ZNF148: variants seen among roughly 807,000 people sequenced by gnomAD.
The protein encoded by ZNF148 is Beta-Enolase Repressor Factor-1.
In ZNF148, 7 loss-of-function variants were observed where a neutral mutation model predicts 67.7. That is an observed-to-expected ratio of 0.10 (90% CI 0.06 to 0.19). The LOEUF (loss-of-function observed/expected upper bound fraction) is 0.19. Ranked by LOEUF, ZNF148 falls within the 10% of genes least tolerant of loss-of-function variation. ZNF148 has a pLI of 1.00. For synonymous variants in ZNF148, 333 were observed against 330.7 expected, an observed-to-expected ratio of 1.01 and a Z score of -0.08; for missense variants, 583 against 947.1, an observed-to-expected ratio of 0.62 and a Z score of 5.05.
intron 3 of ZNF148, among the ~76,000 whole-genome samples, chr3:125,321,154 C>CTTCAGATATAGA (rs1559754652): frequency 6.6e-6 from 1 of 152,144 alleles, no homozygotes; most frequent in Non-Finnish European, 1.5e-5. Context: ...CTCTGTATAA[C>CTTCAGATATAGA]TACCATTTTG....
chr3:125,306,064 A>G (rs1386122277), intron 4 of ZNF148, among the ~76,000 whole-genome samples: 1 of 152,186 alleles, frequency 6.6e-6, no homozygotes, highest in African/African-American at 2.4e-5. Context: ...TTCAGAAATT[A>G]AGCAAAACAC....
At chr3:125,242,821 C>A (rs1214158975) in intron 7 of ZNF148, among the ~76,000 whole-genome samples, 1 of 152,180 alleles carries the variant, frequency 6.6e-6, no homozygotes, top group Non-Finnish European at 1.5e-5. Flanking sequence ...TAATCACACA[C>A]TAATTAAGTT....
chr3:125,249,627 A>G (rs1241678141), intron 7 of ZNF148, among the ~76,000 whole-genome samples: 1 of 152,182 alleles, frequency 6.6e-6, no homozygotes, highest in East Asian at 1.9e-4. Context: ...AAAAAAACAA[A>G]AAAAAACTAA....
intron 1 of ZNF148, among the ~76,000 whole-genome samples, chr3:125,336,061 A>C (rs1015049830): frequency 6.6e-6 from 1 of 152,226 alleles, no homozygotes; most frequent in Admixed American, 6.5e-5. Context: ...TTCATTGATA[A>C]AGAACATAGT....
In ZNF148 at chr3:125,233,389, T is replaced by G. The variant is rs772298206; in HGVS notation, c.1337A>C (p.Gln446Pro). ...GGGCCCCTCCTGCAAATTATCAACC[T>G]GATCAATGTCAGCATTGCCTTCTGA... Reference protein sequence around the residue: ...LDSEGNADIDQVDNLQEGPSK... With the variant: ...LDSEGNADIDPVDNLQEGPSK... Residue 446 changes from glutamine to proline, a missense_variant, in exon 9 of 9, where the codon CAG (glutamine) becomes CCG (proline). By Grantham distance (76) the Gln-to-Pro change is moderately conservative. This residue lies in a region of ZNF148 where 172 missense variants were observed against 307.7 expected (regional missense o/e 0.56). Transcript: ENST00000360647. This position sits in a 1 kb window ranked among gnomAD's most constrained non-coding sequence, Gnocchi z 5.1. 5.6e-6 allele frequency: 9 copies of G among 1,613,870 alleles called. No homozygotes were observed. The African/African-American group carries it at 1.2e-4, about 22-fold the overall frequency.
intron 5 of ZNF148, among the ~76,000 whole-genome samples, chr3:125,287,579 C>CA (rs1938732961): frequency 6.6e-6 from 1 of 152,144 alleles, no homozygotes; most frequent in Admixed American, 6.5e-5. Flanking sequence ...ACTGAGGCTG[C>CA]AGTGAGCCAT....
At chr3:125,250,882 T>C (rs981416654) in intron 7 of ZNF148, among the ~76,000 whole-genome samples, 5 of 152,202 alleles carry the variant, frequency 3.3e-5, no homozygotes, top group Non-Finnish European at 7.3e-5. Flanking sequence ...CTGCTTTCTA[T>C]TCCTATAGTT....
At chr3:125,239,655 A>AGGGG (rs1403081461) in intron 7 of ZNF148, among the ~76,000 whole-genome samples, 1 of 152,236 alleles carries the variant, frequency 6.6e-6, no homozygotes, top group Non-Finnish European at 1.5e-5. Context: ...TTCACCCCTA[A>AGGGG]GCACATACCC....
At chr3:125,270,672 C>T (rs1050609962) in intron 7 of ZNF148, among the ~76,000 whole-genome samples, 3 of 152,022 alleles carry the variant, frequency 2.0e-5, no homozygotes, top group African/African-American at 7.3e-5. Context: ...AAAGGCAAAC[C>T]AAACCATACT....
chr3:125,335,860 T>C (rs1941469490), intron 1 of ZNF148, among the ~76,000 whole-genome samples: 1 of 152,236 alleles, frequency 6.6e-6, no homozygotes, highest in Non-Finnish European at 1.5e-5. Flanking sequence ...CCAAATTATG[T>C]TTTAACTGTC....
At position 125,227,865 on chromosome 3, in the gene ZNF148, T is replaced by C. The variant is rs1399072885; in HGVS notation, c.*4476A>G. The C allele has an allele frequency of 1.3e-5, 2 of 152,646 alleles. No homozygotes were observed. Among genetic ancestry groups the C allele is most frequent in the Non-Finnish European group, 2.9e-5 (2 of 68,030 alleles). The allele number at this position is 152,646 out of a possible 1,614,324, so 9.5% of individuals were successfully genotyped here. On this transcript the variant is annotated 3_prime_UTR_variant, in exon 9 of 9. Transcript: ENST00000360647. ...TTTTTCCTATAAAATGTAGGTCATATACATTTATAAATTGGCGGTTTTATT... is the reference window on the plus strand; with the variant it reads ...TTTTTCCTATAAAATGTAGGTCATACACATTTATAAATTGGCGGTTTTATT...
chr3:125,356,587 T>G (rs1942349502), intron 1 of ZNF148, among the ~76,000 whole-genome samples: 1 of 152,362 alleles, frequency 6.6e-6, no homozygotes, highest in East Asian at 1.9e-4. Context: ...GTGGTGCCTT[T>G]ACCACTGCCC....
At chr3:125,354,612 C>G (rs1454751436) in intron 1 of ZNF148, among the ~76,000 whole-genome samples, 1 of 152,198 alleles carries the variant, frequency 6.6e-6, no homozygotes, top group Non-Finnish European at 1.5e-5. Flanking sequence ...AATAATTCAC[C>G]ACTTTAGTGA....
intron 7 of ZNF148, among the ~76,000 whole-genome samples, chr3:125,243,270 G>GT (rs2107531608): frequency 1.3e-5 from 2 of 152,138 alleles, no homozygotes; most frequent in South Asian, 4.1e-4. Flanking sequence ...GTTTTCTTCT[G>GT]TTATATCTTC....
At chr3:125,353,861 C>T (rs1942249090) in intron 1 of ZNF148, among the ~76,000 whole-genome samples, 1 of 151,922 alleles carries the variant, frequency 6.6e-6, no homozygotes, top group Non-Finnish European at 1.5e-5. Flanking sequence ...ATCACGTGAG[C>T]CTAGGAGTTT....
intron 4 of ZNF148, among the ~76,000 whole-genome samples, chr3:125,300,663 T>C (rs938059048): frequency 2.0e-5 from 3 of 152,256 alleles, no homozygotes; most frequent in African/African-American, 7.2e-5. Context: ...GAATTACACA[T>C]GCCTGAAATA....
At chr3:125,361,663 T>C (rs909576024) in intron 1 of ZNF148, among the ~76,000 whole-genome samples, 13 of 152,016 alleles carry the variant, frequency 8.6e-5, no homozygotes, top group African/African-American at 3.1e-4. Flanking sequence ...TGAAACCCTG[T>C]CTCCTTTAAA....
At chr3:125,304,028 TAAA>T (rs1939740462) in intron 4 of ZNF148, among the ~76,000 whole-genome samples, 1 of 152,026 alleles carries the variant, frequency 6.6e-6, no homozygotes, top group South Asian at 2.1e-4. Flanking sequence ...AATTTTAAAA[TAAA>T]AAAATTTTTA....
intron 1 of ZNF148, among the ~76,000 whole-genome samples, chr3:125,334,079 T>C (rs1013534108): frequency 2.0e-5 from 3 of 152,238 alleles, no homozygotes; most frequent in African/African-American, 7.2e-5. Context: ...AAGGAAATTT[T>C]CTACTAATAC....
Sources: gnomAD v4.1 joint callset for allele counts (sites outside exome capture counted in the v4.1 genomes callset) on GRCh38, gnomAD v4.1.1 for gene constraint, gnomAD v4.1.1 regional missense constraint, Gnocchi (gnomAD v3.1) non-coding constraint, MANE v1.5 for transcripts, NCBI Gene and HGNC (gene_info 2026-07-23, HGNC 2026-07-21) for gene names.